Variants in MAP3K8 observed in about 807,000 individuals in gnomAD.
The protein encoded by MAP3K8 is Ewing sarcoma transformant.
A neutral mutation model predicts 45.8 loss-of-function variants in MAP3K8; 22 were observed. The ratio of observed to expected loss-of-function variants is 0.48; its 90% CI spans 0.34 to 0.69. The LOEUF (loss-of-function observed/expected upper bound fraction) is 0.69. Among genes scored for constraint, MAP3K8 ranks in the 30% least tolerant of loss-of-function variants. MAP3K8 has a pLI of 0.01. For synonymous variants in MAP3K8, 223 were observed against 214.3 expected (o/e 1.04, Z -0.36); for missense variants, 419 against 585.0 (o/e 0.72, Z 2.93).
rs1836802012 is a variant in MAP3K8, at chr10:30,458,137, C to T, written c.927C>T (p.Asp309=). ...GCAGGGGCCATTCAACCAAAGCAGA[C>T]ATCTACAGCCTGGGGGCCACGCTCA... ...ILCRGHSTKA[D]IYSLGATLIH... is the part of the protein sequence containing the mutation. Residue 309 remains aspartate, a synonymous_variant, in exon 7 of 9, where the codon GAC becomes GAT. Coordinates refer to ENST00000263056, the MANE Select transcript of MAP3K8 (RefSeq NM_005204.4). 1 of 1,594,560 alleles carries T rather than the reference C, an allele frequency of 6.3e-7. No homozygotes were observed. The highest frequency in any genetic ancestry group is 1.3e-5 in the African/African-American group (1 of 74,380).
At chr10:30,435,770 C>G (rs1835892448) in intron 1 of MAP3K8, among the ~76,000 whole-genome samples, 1 of 152,194 alleles carries the variant, frequency 6.6e-6, no homozygotes, top group Admixed American at 6.5e-5. Context: ...TCTTGAACTC[C>G]TGACCTCAGG....
In MAP3K8 at chr10:30,458,109, T is replaced by C; in HGVS notation, c.899T>C (p.Leu300Pro). Residue 300 changes from leucine (L) to proline (P), a missense_variant, in exon 7 of 9, where the codon CTG becomes CCG. Physicochemically the swap from Leu to Pro is moderately conservative, Grantham distance 98 (BLOSUM62 -3). Transcript: ENST00000263056. ...ATTTACATGAGCCCAGAGGTCATCC[T>C]GTGCAGGGGCCATTCAACCAAAGCA... ...TEIYMSPEVILCRGHSTKADI... is the reference protein window; with the variant it reads ...TEIYMSPEVIPCRGHSTKADI... The C allele has an allele frequency of 6.4e-7, 1 of 1,574,358 alleles. No individual in the cohort carries two copies. The highest frequency in any genetic ancestry group is 8.6e-7 in the Non-Finnish European group (1 of 1,159,620).
chr10:30,448,585 A>G (rs1588779379), intron 4 of MAP3K8, among the ~76,000 whole-genome samples: 1 of 151,910 alleles, frequency 6.6e-6, no homozygotes, highest in African/African-American at 2.4e-5. Context: ...GGCACCTGCC[A>G]CCATGCCCAG....
intron 3 of MAP3K8, 195 bp downstream of exon 3, chr10:30,439,469 A>C: frequency 8.7e-7 from 1 of 1,151,734 alleles, no homozygotes. Flanking sequence ...CTATTTAAAG[A>C]TTCTTGATCA....
Position 30,458,251 on chromosome 10 carries a change from AC to A in MAP3K8, c.1026+17del. 1.4e-6 allele frequency: 1 copy of A among 696,264 alleles called. No individual in the cohort carries two copies. Among genetic ancestry groups the A allele is most frequent in the Non-Finnish European group, 2.2e-6 (1 of 451,204 alleles). The allele number at this position is 696,264 out of a possible 1,614,324, so 43.1% of individuals were successfully genotyped here. ...ACCTGTACATAGTAAGTGGGGTTCA[AC>A]CAGGGCTGGGGGCGGCGGGGGGGGG... On this transcript the variant is annotated intron_variant, in intron 7 of 8. Transcript: ENST00000263056.
chr10:30,449,684 A>G (rs1191549205), intron 4 of MAP3K8, among the ~76,000 whole-genome samples: 1 of 152,088 alleles, frequency 6.6e-6, no homozygotes, highest in African/African-American at 2.4e-5. Context: ...AAATTTTTGT[A>G]TTTTTTGTAG....
chr10:30,461,054 C>T lies in MAP3K8; in HGVS notation c.*218C>T, dbSNP rs544425552. On this transcript the variant is annotated 3_prime_UTR_variant, in exon 9 of 9. Transcript: ENST00000263056. ...CTCAAGGTTCTCATTTCTCAGGTGA[C>T]GTGATTCTAAGGCAGGAATTTGAGA... The T allele has an allele frequency of 1.8e-4, 78 of 445,434 alleles. No individual in the cohort carries two copies. Among genetic ancestry groups the T allele is most frequent in the African/African-American group, 1.4e-3 (71 of 49,614 alleles). The allele number at this position is 445,434 out of a possible 1,614,324, so 27.6% of individuals were successfully genotyped here. A position where few individuals can be genotyped will look rare whatever the true frequency, so the allele number is the denominator to read the frequency against.
chr10:30,448,544 T>C (rs954812114), intron 4 of MAP3K8, among the ~76,000 whole-genome samples: 34 of 152,012 alleles, frequency 2.2e-4, no homozygotes, highest in Non-Finnish European at 4.4e-4. Flanking sequence ...ACGATTCTCC[T>C]GCATCAGCCT....
At position 30,447,856 on chromosome 10, in the gene MAP3K8, G is replaced by T. The variant is rs1226956889; in HGVS notation, c.411G>T (p.Arg137Ser). The change falls in exon 4 of 9, where the codon AGG becomes AGT. Residue 137 changes from arginine to serine, a missense_variant. Transcript: ENST00000263056. ...TGATCCCCTGGAAGCTGACTTACAG[G>T]AATATTGGTTCTGATTTTATTCCTC... ...VLLIPWKLTY[R>S]NIGSDFIPRG... The T allele has an allele frequency of 3.1e-6, 5 of 1,613,760 alleles. No homozygotes were observed. Among genetic ancestry groups the T allele is most frequent in the Non-Finnish European group, 8.5e-7 (1 of 1,179,906 alleles).
chr10:30,447,991 C>T, intron 4 of MAP3K8, 42 bp downstream of exon 4: 1 of 1,538,362 alleles, frequency 6.5e-7, no homozygotes, highest in African/African-American at 1.4e-5. Context: ...GTGTGTTTGG[C>T]ATTCTGGCTT....
rs1417719200 is a variant in MAP3K8 at position 30,434,654 on chromosome 10, T to G, written c.-255+276T>G. The G allele has an allele frequency of 9.1e-6, 9 of 985,436 alleles. No individual in the cohort carries two copies. The Admixed American group carries it at 5.5e-4, about 61-fold the overall frequency. 61.0% of individuals were successfully genotyped at this position (985,436 alleles called of 1,614,324 possible). On this transcript the variant is annotated intron_variant, in intron 1 of 8. Coordinates refer to ENST00000263056, the MANE Select transcript of MAP3K8 (RefSeq NM_005204.4). ...ATCCGCAGCGCCAGGGCAGTGCTGG[T>G]CTGGGCAGTGCGCGGGGAAGCGGGG... is the stretch of plus-strand genomic sequence containing the variant.
At chr10:30,437,517 A>G (rs1490164648) in intron 2 of MAP3K8, 111 bp downstream of exon 2, 1 of 156,648 alleles carries the variant, frequency 6.4e-6, no homozygotes, top group Non-Finnish European at 1.4e-5. Context: ...GGGGGGAGGC[A>G]ATGAGATTTG....
Position 30,451,700 on chromosome 10 carries a change from A to G in MAP3K8, c.829A>G (p.Met277Val). The part of the protein sequence containing the change: ...VLVDFGLSVQ[M>V]TEDVYFPKDL... ...GGTGGATTTTGGCCTAAGTGTTCAA[A>G]TGACCGAAGATGTCTATTTTCCTAA... Residue 277 changes from methionine to valine, a missense_variant, in exon 6 of 9, where the codon ATG (methionine) becomes GTG (valine). Physicochemically the swap from Met to Val is conservative, Grantham distance 21. Transcript: ENST00000263056. The G allele has an allele frequency of 6.3e-7, 1 of 1,597,240 alleles. No individual in the cohort carries two copies.
Position 30,461,172 on chromosome 10 carries a change from C to A in MAP3K8, c.*336C>A, listed in dbSNP as rs1836927586. The A allele has an allele frequency of 1.5e-5, 4 of 258,900 alleles. No individual in the cohort carries two copies. The East Asian group carries it at 2.3e-4, about 15-fold the overall frequency. 16.0% of individuals were successfully genotyped at this position (258,900 alleles called of 1,614,324 possible). The stretch of plus-strand genomic sequence containing the variant: ...ACCAATCACAAGGATAATAGAGTAG[C>A]CTAAAATTACTATTCTTGGTTCTTA... On this transcript the variant is annotated 3_prime_UTR_variant, in exon 9 of 9. Coordinates refer to ENST00000263056, the MANE Select transcript of MAP3K8 (RefSeq NM_005204.4).
intron 3 of MAP3K8, among the ~76,000 whole-genome samples, chr10:30,440,934 G>A (rs1168721518): frequency 6.6e-6 from 1 of 152,058 alleles, no homozygotes; most frequent in Non-Finnish European, 1.5e-5. Context: ...TGGCCTATCT[G>A]GGAATGTACA....
In MAP3K8 at chr10:30,441,419, A is replaced by C. The variant is rs1417813067; in HGVS notation, c.336+2145A>C. Among the ~76,000 whole-genome samples the C allele has an allele frequency of 4.6e-5, 7 of 152,324 alleles. No individual in the cohort carries two copies. In the East Asian group the frequency reaches 9.6e-4, roughly 21 times the overall value. ...TGATCCACCTGCCTTGGCCTTTCAAAGTGTGGGGATTATAGGCGTGAGCCA... is the reference window on the plus strand; with the variant it reads ...TGATCCACCTGCCTTGGCCTTTCAACGTGTGGGGATTATAGGCGTGAGCCA... On this transcript the variant is annotated intron_variant, in intron 3 of 8. Coordinates refer to ENST00000263056, the MANE Select transcript of MAP3K8 (RefSeq NM_005204.4).
intron 6 of MAP3K8, among the ~76,000 whole-genome samples, chr10:30,456,507 T>G (rs1475965238): frequency 6.6e-6 from 1 of 152,116 alleles, no homozygotes; most frequent in East Asian, 1.9e-4. Flanking sequence ...AGTTCTCTAA[T>G]TACTTACCCT....
At chr10:30,435,136 G>A (rs1835871579) in intron 1 of MAP3K8, among the ~76,000 whole-genome samples, 1 of 152,240 alleles carries the variant, frequency 6.6e-6, no homozygotes, top group Non-Finnish European at 1.5e-5. Flanking sequence ...GCCACCGGCT[G>A]CCTGTAAGAG....
intron 8 of MAP3K8, 113 bp from the exon 9 acceptor site, chr10:30,460,593 G>A (rs188358374): frequency 2.7e-5 from 22 of 826,418 alleles, no homozygotes; most frequent in East Asian, 8.3e-5. Flanking sequence ...CATCTTTCAC[G>A]CTTAAGACAC....
Sources: allele counts gnomAD v4.1 joint callset (sites outside exome capture counted in the v4.1 genomes callset), GRCh38; gene constraint gnomAD v4.1.1; transcripts MANE v1.5; gene names NCBI Gene and HGNC (gene_info 2026-07-23, HGNC 2026-07-21).